Variants in PCDHGB1 observed in about 807,000 individuals in gnomAD.
The protein encoded by PCDHGB1 is protocadherin gamma subfamily B, 1.
A neutral mutation model predicts 56.6 loss-of-function variants in PCDHGB1; 34 were observed. The ratio of observed to expected loss-of-function variants is 0.60; its 90% CI spans 0.46 to 0.80. The LOEUF is 0.80. PCDHGB1 is among the 30% of genes least tolerant of loss of function. The pLI is 0.00. For synonymous variants in PCDHGB1, 561 were observed against 505.9 expected (o/e 1.11, Z -1.46); for missense variants, 1,278 against 1,204.6 (o/e 1.06, Z -0.90).
chr5:141,423,865 T>G, intron 1 of PCDHGB1: 1 of 1,285,992 alleles, frequency 7.8e-7, no homozygotes, highest in Non-Finnish European at 9.9e-7. Flanking sequence ...TTTGTGAAAG[T>G]CATTTTTCAA....
chr5:141,445,623 A>G (rs2098472971), intron 1 of PCDHGB1, among the ~76,000 whole-genome samples: 1 of 152,172 alleles, frequency 6.6e-6, no homozygotes, highest in South Asian at 2.1e-4. Flanking sequence ...TTTTTTTCGG[A>G]AAGTGATATT....
At chr5:141,374,501 G>A (rs746410507) in intron 1 of PCDHGB1, 2 of 1,611,510 alleles carry the variant, frequency 1.2e-6, no homozygotes, top group Non-Finnish European at 1.7e-6. Context: ...AGAATTGGAA[G>A]TGAAAATTCT....
At chr5:141,355,416 G>A in intron 1 of PCDHGB1, 1 of 1,614,086 alleles carries the variant, frequency 6.2e-7, no homozygotes, top group Non-Finnish European at 8.5e-7. Context: ...GAGGTAGGAC[G>A]CAGCTTTTCG....
At chr5:141,416,210 A>G (rs1264276644) in intron 1 of PCDHGB1, 2 of 152,420 alleles carry the variant, frequency 1.3e-5, no homozygotes, top group African/African-American at 4.8e-5. Flanking sequence ...TATTTATAAC[A>G]ATGTATGCTT....
At position 141,402,030 on chromosome 5, in the gene PCDHGB1, A is replaced by C. The variant is rs188760101; in HGVS notation, c.2409+49361A>C. On this transcript the variant is annotated intron_variant, in intron 1 of 3. Transcript: ENST00000523390. Reference sequence around the variant, plus strand: ...ATATGCATTTGAATCATTGAAACACAGTCTGTGCATGCATTACATATTCAC... The same window carrying C: ...ATATGCATTTGAATCATTGAAACACCGTCTGTGCATGCATTACATATTCAC... Among the ~76,000 whole-genome samples the C allele has an allele frequency of 1.4e-3, 213 of 152,348 alleles. 1 individual carries two copies. The highest frequency in any genetic ancestry group is 4.8e-3 in the African/African-American group (199 of 41,586).
chr5:141,362,661 A>C (rs533318965), intron 1 of PCDHGB1: 2 of 1,346,780 alleles, frequency 1.5e-6, no homozygotes, highest in Admixed American at 2.7e-5. Context: ...GATTTGGCCA[A>C]TGTTGTGCCT....
rs1562106021 is a variant in PCDHGB1 at position 141,485,561 on chromosome 5, G to T, written c.2410-9246G>T. 6.2e-7 allele frequency: 1 copy of T among 1,613,008 alleles called. No individual in the cohort carries two copies. Among genetic ancestry groups the T allele is most frequent in the Non-Finnish European group, 8.5e-7 (1 of 1,179,122 alleles). ...AGAGATCGTAGATGTGAATGATCAC[G>T]CCCCCCGTTTTCCGCGGCAGCAGCT... On this transcript the variant is annotated intron_variant, in intron 1 of 3. Coordinates refer to ENST00000523390, the MANE Select transcript of PCDHGB1 (RefSeq NM_018922.3). The surrounding 1 kb of genome is among the most constrained non-coding windows in gnomAD (Gnocchi z 5.7).
At chr5:141,446,202 G>T (rs780900822) in intron 1 of PCDHGB1, among the ~76,000 whole-genome samples, 13 of 152,094 alleles carry the variant, frequency 8.5e-5, no homozygotes, top group Non-Finnish European at 1.8e-4. Context: ...ATATTCCTAG[G>T]TGTCTGAAAA....
chr5:141,355,236 G>A (rs758078780), intron 1 of PCDHGB1: 7 of 1,612,186 alleles, frequency 4.3e-6, no homozygotes, highest in African/African-American at 2.7e-5. Flanking sequence ...ACCACACCCG[G>A]CTGCTCCAGA....
intron 1 of PCDHGB1, among the ~76,000 whole-genome samples, chr5:141,458,596 G>A (rs907922436): frequency 1.8e-4 from 27 of 151,842 alleles, no homozygotes; most frequent in African/African-American, 5.8e-4. Flanking sequence ...TTGGAGACGA[G>A]TCTCACTCTG....
chr5:141,427,222 A>G (rs536161247), intron 1 of PCDHGB1: 1 of 456,774 alleles, frequency 2.2e-6, no homozygotes, highest in South Asian at 1.5e-5. Flanking sequence ...CGTAGCAGTT[A>G]TACCATGAGA....
intron 1 of PCDHGB1, chr5:141,410,620 G>T (rs765125633): frequency 6.2e-7 from 1 of 1,603,524 alleles, no homozygotes. Flanking sequence ...CTCTGACTTC[G>T]GTGAGTTTCT....
At chr5:141,451,926 T>G (rs994841982) in intron 1 of PCDHGB1, among the ~76,000 whole-genome samples, 5 of 151,122 alleles carry the variant, frequency 3.3e-5, no homozygotes, top group Non-Finnish European at 7.4e-5. Context: ...GGAAGGGAGG[T>G]AGGGAGGCAG....
At chr5:141,445,339 A>G (rs1450773291) in intron 1 of PCDHGB1, among the ~76,000 whole-genome samples, 1 of 152,152 alleles carries the variant, frequency 6.6e-6, no homozygotes, top group Non-Finnish European at 1.5e-5. Context: ...GAAACAGTAA[A>G]CATTGGTGTC....
intron 1 of PCDHGB1, chr5:141,413,721 C>A (rs779673406): frequency 6.2e-7 from 1 of 1,613,592 alleles, no homozygotes. Context: ...ATAAGCACTT[C>A]TCCCTAAGAG....
At chr5:141,410,600 C>T in intron 1 of PCDHGB1, 1 of 1,608,048 alleles carries the variant, frequency 6.2e-7, no homozygotes, top group Non-Finnish European at 8.5e-7. Flanking sequence ...TTTGACTTCA[C>T]ATCCTGAGAC....
At chr5:141,383,879 G>A (rs1196711965) in intron 1 of PCDHGB1, 2 of 1,613,862 alleles carry the variant, frequency 1.2e-6, no homozygotes, top group Non-Finnish European at 1.7e-6. Flanking sequence ...GGTCCTGGTA[G>A]TCTGACAAAG....
rs774085547 is a variant in PCDHGB1 at position 141,352,508 on chromosome 5, C to T, written c.2248C>T (p.Leu750=). The T allele has an allele frequency of 1.2e-6, 2 of 1,614,022 alleles. No individual in the cohort carries two copies. Among genetic ancestry groups the T allele is most frequent in the Non-Finnish European group, 8.5e-7 (1 of 1,179,876 alleles). The part of the protein sequence containing the change: ...SEGTLPYSYN[L]CIASHSAKTE... Reference sequence around the variant, plus strand: ...GGGGACTTTGCCCTATTCCTACAATCTATGTATTGCCTCTCATTCTGCAAA... The same window carrying T: ...GGGGACTTTGCCCTATTCCTACAATTTATGTATTGCCTCTCATTCTGCAAA... Residue 750 remains leucine (L), a synonymous_variant, in exon 1 of 4, where the codon CTA becomes TTA. Transcript: ENST00000523390.
Position 141,350,395 on chromosome 5 carries a change from G to A in PCDHGB1, c.135G>A (p.Val45=). The A allele has an allele frequency of 6.3e-7, 1 of 1,599,332 alleles. No individual in the cohort carries two copies. Among genetic ancestry groups the A allele is most frequent in the South Asian group, 1.1e-5 (1 of 89,344 alleles). ...AGGAGCTAGCCAACGGCTCACGGGT[G>A]GGGAAACTTGCCAAGGATCTGGGGC... ...IPEELANGSR[V]GKLAKDLGLS... The change falls in exon 1 of 4, where the codon GTG becomes GTA. Residue 45 remains valine, a synonymous_variant. Transcript: ENST00000523390.
Sources: gnomAD v4.1 joint callset for allele counts (sites outside exome capture counted in the v4.1 genomes callset) on GRCh38, gnomAD v4.1.1 for gene constraint, Gnocchi (gnomAD v3.1) non-coding constraint, MANE v1.5 for transcripts, NCBI Gene and HGNC (gene_info 2026-07-23, HGNC 2026-07-21) for gene names.